Variants in PDE11A observed in about 807,000 individuals in gnomAD.
The protein encoded by PDE11A is dual 3',5'-cyclic-AMP and -GMP phosphodiesterase 11A.
Under a neutral mutation model 100.5 loss-of-function variants are expected in PDE11A, and 100 were observed. The ratio of observed to expected loss-of-function variants is 1.00; its 90% CI spans 0.85 to 1.18. The LOEUF (loss-of-function observed/expected upper bound fraction) is 1.18, where lower values mean the gene tolerates loss of function less well. Among genes scored for constraint, PDE11A ranks in the 50% most tolerant of loss-of-function variants. The pLI is 0.00. For missense variants in PDE11A, 1,141 were observed against 1,152.6 expected (o/e 0.99, Z 0.15); for synonymous variants, 381 against 420.8 (o/e 0.91, Z 1.16).
intron 2 of PDE11A, among the ~76,000 whole-genome samples, chr2:177,965,635 G>A (rs1050401435): frequency 1.3e-5 from 2 of 152,136 alleles, no homozygotes; most frequent in African/African-American, 4.8e-5. Flanking sequence ...TCCATTGCCT[G>A]TTCTTGTCAA....
intron 1 of PDE11A, among the ~76,000 whole-genome samples, chr2:178,035,872 T>C (rs1416678325): frequency 6.6e-6 from 1 of 152,118 alleles, no homozygotes; most frequent in Non-Finnish European, 1.5e-5. Context: ...ATGGAACATA[T>C]CTCAAAAAAT....
chr2:177,666,100 T>C (rs2105482370), intron 18 of PDE11A, among the ~76,000 whole-genome samples: 1 of 152,298 alleles, frequency 6.6e-6, no homozygotes, highest in African/African-American at 2.4e-5. Context: ...CTCCCAGCCT[T>C]AGGCAACCAC....
chr2:177,816,273 C>T (rs918702564), intron 9 of PDE11A, among the ~76,000 whole-genome samples: 6 of 152,040 alleles, frequency 3.9e-5, no homozygotes, highest in Admixed American at 1.3e-4. Context: ...TCAAAACAAG[C>T]GTCTGAGATT....
At chr2:178,090,010 T>C (rs1304025370) in intron 2 of PDE11A, among the ~76,000 whole-genome samples, 1 of 152,214 alleles carries the variant, frequency 6.6e-6, no homozygotes, top group Admixed American at 6.5e-5. Flanking sequence ...AACAGATTAG[T>C]TACAAGTATA....
At chr2:177,658,879 A>G (rs1245114832) in intron 19 of PDE11A, among the ~76,000 whole-genome samples, 1 of 152,164 alleles carries the variant, frequency 6.6e-6, no homozygotes, top group African/African-American at 2.4e-5. Flanking sequence ...TATTTCAACT[A>G]TATTTTAAAG....
intron 2 of PDE11A, among the ~76,000 whole-genome samples, chr2:177,916,516 T>C (rs1008217710): frequency 1.3e-5 from 2 of 152,176 alleles, no homozygotes; most frequent in East Asian, 1.9e-4. Context: ...CTCTATCTTA[T>C]AGTCTAATTT....
chr2:178,018,364 G>A (rs1035155688), intron 1 of PDE11A: 1 of 20,852 alleles, frequency 4.8e-5, no homozygotes, highest in Non-Finnish European at 1.5e-4. Flanking sequence ...TGCCAAGGCA[G>A]GCCTTTTGGC....
chr2:177,699,371 T>A (rs116292819), intron 14 of PDE11A, among the ~76,000 whole-genome samples: 18 of 152,320 alleles, frequency 1.2e-4, no homozygotes, highest in African/African-American at 4.3e-4. Context: ...GTCGCACCAA[T>A]GTGGTCTCTT....
At chr2:177,893,605 C>T (rs2084565748) in intron 4 of PDE11A, among the ~76,000 whole-genome samples, 1 of 151,990 alleles carries the variant, frequency 6.6e-6, no homozygotes, top group African/African-American at 2.4e-5. Context: ...ATCTTTTTTT[C>T]CTGAAATTTT....
At chr2:178,102,428 GTTTTTTTT>G (rs769341186) in intron 2 of PDE11A, among the ~76,000 whole-genome samples, 1 of 55,364 alleles carries the variant, frequency 1.8e-5, no homozygotes, top group Non-Finnish European at 3.1e-5. Context: ...CCTGGTCTAA[GTTTTTTTT>G]TTTTTTTTTT....
chr2:177,658,497 TTC>T (rs1333899968), intron 19 of PDE11A, among the ~76,000 whole-genome samples: 2 of 150,482 alleles, frequency 1.3e-5, no homozygotes, highest in African/African-American at 5.0e-5. Context: ...TCCTCTCCTC[TTC>T]TTTTTTCCCT....
At chr2:177,661,597 A>G (rs896857760) in intron 19 of PDE11A, among the ~76,000 whole-genome samples, 2 of 152,204 alleles carry the variant, frequency 1.3e-5, no homozygotes. Context: ...AACTCACCCT[A>G]CAAAGTTTCA....
intron 2 of PDE11A, among the ~76,000 whole-genome samples, chr2:178,096,164 C>CTTTTTTTTTTTTTTTTTTT (rs1257178630): frequency 6.2e-4 from 68 of 110,258 alleles, no homozygotes; most frequent in African/African-American, 7.7e-4. Flanking sequence ...TTTTTCTTTT[C>CTTTTTTTTTTTTTTTTTTT]TTTTCTTTTT....
At chr2:177,926,269 TCTA>T (rs1294443739) in intron 2 of PDE11A, among the ~76,000 whole-genome samples, 1 of 152,206 alleles carries the variant, frequency 6.6e-6, no homozygotes, top group Non-Finnish European at 1.5e-5. Context: ...CATCTGTACT[TCTA>T]CTAAATTTTT....
chr2:177,949,481 T>G (rs2085481564), intron 2 of PDE11A, among the ~76,000 whole-genome samples: 1 of 152,142 alleles, frequency 6.6e-6, no homozygotes, highest in Non-Finnish European at 1.5e-5. Flanking sequence ...CTTATTTGAG[T>G]AGGCATCTGG....
chr2:177,767,760 T>C (rs1318846247), intron 10 of PDE11A, among the ~76,000 whole-genome samples: 2 of 152,228 alleles, frequency 1.3e-5, no homozygotes, highest in East Asian at 1.9e-4. Flanking sequence ...TATTTATTCA[T>C]TCACTTTTCC....
At chr2:177,710,222 C>T (rs575545359) in intron 13 of PDE11A, among the ~76,000 whole-genome samples, 6 of 151,666 alleles carry the variant, frequency 4.0e-5, no homozygotes, top group South Asian at 4.2e-4. Context: ...GCCCTCTTAC[C>T]GAGATAGGAG....
At chr2:177,844,789 C>A (rs939015766) in intron 5 of PDE11A, among the ~76,000 whole-genome samples, 6 of 151,448 alleles carry the variant, frequency 4.0e-5, no homozygotes, top group African/African-American at 1.4e-4. Context: ...GCACATCTTG[C>A]ACCGCCCTTA....
At chr2:178,101,264 A>G (rs576150050) in intron 2 of PDE11A, among the ~76,000 whole-genome samples, 1 of 152,350 alleles carries the variant, frequency 6.6e-6, no homozygotes, top group South Asian at 2.1e-4. Context: ...TTATAGTTGT[A>G]TTATAAAGGA....
Sources: gnomAD v4.1 joint callset for allele counts (sites outside exome capture counted in the v4.1 genomes callset) on GRCh38, gnomAD v4.1.1 for gene constraint, MANE v1.5 for transcripts, NCBI Gene and HGNC (gene_info 2026-07-23, HGNC 2026-07-21) for gene names.